Variants in CDCP1 observed in about 807,000 individuals in gnomAD.
CDCP1 encodes the protein CUB domain containing protein 1, also known as CUB domain-containing protein 1.
CDCP1 carries 29 observed loss-of-function variants against 60.2 expected under a neutral mutation model. The ratio of observed to expected loss-of-function variants is 0.48; its 90% confidence interval spans 0.36 to 0.66. The LOEUF is 0.66. Among genes scored for constraint, CDCP1 ranks in the 30% least tolerant of loss-of-function variants. The probability of loss-of-function intolerance (pLI) is 0.00; values close to 1 mark genes in which losing one functional copy is unlikely to be tolerated. For synonymous variants in CDCP1, 387 were observed against 431.1 expected, an observed-to-expected ratio of 0.90 and a Z score of 1.27; for missense variants, 876 against 1,074.3, an observed-to-expected ratio of 0.82 and a Z score of 2.58.
chr3:45,125,447 G>A (rs1173133947), intron 1 of CDCP1, among the ~76,000 whole-genome samples: 1 of 152,182 alleles, frequency 6.6e-6, no homozygotes, highest in Non-Finnish European at 1.5e-5. Flanking sequence ...TAGCTTCTTG[G>A]TGCCTCACTT....
chr3:45,091,354 T>C lies in CDCP1; in HGVS notation c.1812A>G (p.Ala604=), dbSNP rs140977271. The C allele has an allele frequency of 3.7e-5, 59 of 1,614,036 alleles. No homozygotes were observed. Among genetic ancestry groups the C allele is most frequent in the Non-Finnish European group, 4.9e-5 (58 of 1,180,030 alleles). The part of the protein sequence containing the change: ...RSGVVCQTGR[A]FMIIQEQRTR... ...TCCGCTGCTCCTGGATGATCATGAA[T>C]GCGCGCCCTGTCTGGCAGACCACGC... Residue 604 remains alanine, a synonymous_variant, in exon 7 of 9, where the codon GCA becomes GCG. Coordinates refer to ENST00000296129, the MANE Select transcript of CDCP1 (RefSeq NM_022842.5). The surrounding 1 kb of genome is among the most constrained non-coding windows in gnomAD (Gnocchi z 4.8).
intron 5 of CDCP1, 21 bp downstream of exon 5, chr3:45,095,326 T>G (rs761950471): frequency 6.2e-7 from 1 of 1,606,460 alleles, no homozygotes; most frequent in Non-Finnish European, 8.5e-7. Flanking sequence ...CAGGGACAAA[T>G]GCACTGATTC....
chr3:45,089,105 C>A lies in CDCP1; in HGVS notation c.2030G>T (p.Gly677Val), dbSNP rs1256218534. ...TVILIAAVGG[G>V]VLLLSALGLI... ...CCCGAGGGCAGACAGCAGTAAGACT[C>A]CACCTCCCACCGCTGCGATGAGGAT... Residue 677 changes from glycine to valine, a missense_variant, in exon 8 of 9, where the codon GGA becomes GTA. Physicochemically the swap from Gly to Val is moderately radical, Grantham distance 109. Coordinates refer to ENST00000296129, the MANE Select transcript of CDCP1 (RefSeq NM_022842.5). 6.2e-7 allele frequency: 1 copy of A among 1,613,976 alleles called. No individual in the cohort carries two copies. Among genetic ancestry groups the A allele is most frequent in the Non-Finnish European group, 8.5e-7 (1 of 1,180,010 alleles).
At chr3:45,112,587 C>T in intron 2 of CDCP1, 142 bp from the exon 3 acceptor site, 1 of 1,182,386 alleles carries the variant, frequency 8.5e-7, no homozygotes, top group Non-Finnish European at 1.2e-6. Flanking sequence ...ACCCAGGCCC[C>T]AACTGCTGTG....
intron 1 of CDCP1, among the ~76,000 whole-genome samples, chr3:45,134,524 G>T (rs1699161490): frequency 6.6e-6 from 1 of 152,226 alleles, no homozygotes; most frequent in East Asian, 1.9e-4. Flanking sequence ...GGCCAGGGCA[G>T]CCAACCAGAA....
At position 45,085,797 on chromosome 3, in the gene CDCP1, T is replaced by TG. The variant is rs1698179801; in HGVS notation, c.2351dup (p.Thr785AsnfsTer7). The TG allele has an allele frequency of 6.2e-7, 1 of 1,613,966 alleles. No individual in the cohort carries two copies. The highest frequency in any genetic ancestry group is 1.3e-5 in the African/African-American group (1 of 74,898). On this transcript the variant is annotated frameshift_variant, in exon 9 of 9. Transcript: ENST00000296129. LOFTEE classifies it low-confidence loss of function (END_TRUNC). This position sits in a 1 kb window ranked among gnomAD's most constrained non-coding sequence, Gnocchi z 4.2. ...GCTCCTCAGTGGCCAACTTTGCAGT[T>TG]GGGGCCCTGGAGCATATGGTGGGTG...
chr3:45,134,338 A>C (rs1324913357), intron 1 of CDCP1, among the ~76,000 whole-genome samples: 1 of 150,888 alleles, frequency 6.6e-6, no homozygotes, highest in African/African-American at 2.4e-5. Context: ...GTTAGCCAGG[A>C]TGGTCTCGAT....
chr3:45,126,116 T>TTCTTTCTCTCTC (rs1553610981), intron 1 of CDCP1, among the ~76,000 whole-genome samples: 1 of 95,538 alleles, frequency 1.0e-5, no homozygotes, highest in East Asian at 2.7e-4. Context: ...CTCTCTTTCT[T>TTCTTTCTCTCTC]TCTTTCTTTC....
chr3:45,130,677 G>A (rs1479609843), intron 1 of CDCP1, among the ~76,000 whole-genome samples: 1 of 152,188 alleles, frequency 6.6e-6, no homozygotes, highest in African/African-American at 2.4e-5. Context: ...TGAAAATTGA[G>A]GAGAAAAACC....
chr3:45,110,281 A>G, intron 4 of CDCP1, 192 bp downstream of exon 4: 1 of 1,431,074 alleles, frequency 7.0e-7, no homozygotes, highest in Non-Finnish European at 9.1e-7. Flanking sequence ...ATGGAACTAC[A>G]TACCGGGTGT....
intron 1 of CDCP1, among the ~76,000 whole-genome samples, chr3:45,130,919 T>G (rs965046582): frequency 6.6e-6 from 1 of 151,970 alleles, no homozygotes; most frequent in South Asian, 2.1e-4. Context: ...CAGGCTGGAG[T>G]GCAATGGCAC....
chr3:45,126,427 C>G (rs573348595), intron 1 of CDCP1, among the ~76,000 whole-genome samples: 1 of 151,998 alleles, frequency 6.6e-6, no homozygotes, highest in Non-Finnish European at 1.5e-5. Flanking sequence ...ATAGTCACAT[C>G]GCCAAACTTG....
chr3:45,140,144 C>T (rs948758593), intron 1 of CDCP1, among the ~76,000 whole-genome samples: 2 of 152,212 alleles, frequency 1.3e-5, no homozygotes, highest in African/African-American at 4.8e-5. Context: ...TGAAGAAGCC[C>T]TCTCATGGCT....
intron 1 of CDCP1, among the ~76,000 whole-genome samples, chr3:45,145,454 C>T (rs991722793): frequency 1.3e-5 from 2 of 152,178 alleles, no homozygotes; most frequent in South Asian, 2.1e-4. Context: ...TTGGTCCCTT[C>T]CCCCAACCGA....
chr3:45,089,664 G>A (rs765163144), intron 7 of CDCP1, among the ~76,000 whole-genome samples: 6 of 152,192 alleles, frequency 3.9e-5, no homozygotes, highest in Non-Finnish European at 7.3e-5. Context: ...CATAAATCGT[G>A]GGTAAACAAA....
At chr3:45,143,598 A>AT (rs1288923333) in intron 1 of CDCP1, among the ~76,000 whole-genome samples, 4 of 152,152 alleles carry the variant, frequency 2.6e-5, no homozygotes, top group Non-Finnish European at 5.9e-5. Flanking sequence ...CTTATAGATA[A>AT]TTTTTTTCCA....
chr3:45,099,055 T>G (rs67790605), intron 4 of CDCP1, among the ~76,000 whole-genome samples: 9,175 of 152,060 alleles, frequency 0.06, 322 homozygotes, highest in African/African-American at 0.093. Context: ...TCCTTCACTG[T>G]TATCATGGGA....
chr3:45,120,855 C>T (rs1320746540), intron 1 of CDCP1, among the ~76,000 whole-genome samples: 2 of 152,156 alleles, frequency 1.3e-5, no homozygotes, highest in African/African-American at 4.8e-5. Context: ...GGTCTCAGCA[C>T]AAAGGTCACA....
intron 1 of CDCP1, among the ~76,000 whole-genome samples, chr3:45,133,717 CAAAAAAA>C (rs1215278385): frequency 2.0e-5 from 1 of 50,272 alleles, no homozygotes; most frequent in African/African-American, 1.4e-4. Flanking sequence ...GACTCCGTCT[CAAAAAAA>C]AAAAAAAAAA....
Sources: allele counts gnomAD v4.1 joint callset (sites outside exome capture counted in the v4.1 genomes callset), GRCh38; gene constraint gnomAD v4.1.1; non-coding constraint Gnocchi (gnomAD v3.1); transcripts MANE v1.5; gene names NCBI Gene and HGNC (gene_info 2026-07-23, HGNC 2026-07-21).